CIROZ: variants seen among roughly 807,000 people sequenced by gnomAD.
CIROZ encodes ciliated left-right organizer ZP-N domains-containing protein.
At chr1:10,966,286 G>A in the CIROZ span, 4 of 1,430,634 alleles carry the variant, frequency 2.8e-6, no homozygotes, top group Non-Finnish European at 3.7e-6. Context: ...CTCCTTACTT[G>A]ATATCTGAGC....
the CIROZ span, among the ~76,000 whole-genome samples, chr1:10,952,366 G>A: frequency 1.3e-5 from 2 of 152,086 alleles, no homozygotes; most frequent in African/African-American, 4.8e-5. Context: ...TTCCTAAAAT[G>A]TTTCTATTGC....
the CIROZ span, chr1:10,966,323 TTAA>T: frequency 6.7e-7 from 1 of 1,485,310 alleles, no homozygotes; most frequent in East Asian, 2.5e-5. Context: ...AAATCTCCCT[TTAA>T]AAAAAAAAAA....
the CIROZ span, chr1:10,976,284 G>T: frequency 2.9e-6 from 4 of 1,400,650 alleles, no homozygotes; most frequent in Non-Finnish European, 3.9e-6. Context: ...AGGGGGTGGG[G>T]ACATGCACCG....
At chr1:10,962,108 G>A in the CIROZ span, among the ~76,000 whole-genome samples, 1 of 151,870 alleles carries the variant, frequency 6.6e-6, no homozygotes, top group African/African-American at 2.4e-5. Flanking sequence ...AAATCCCTCA[G>A]GCCAAATCCA....
the CIROZ span, among the ~76,000 whole-genome samples, chr1:10,972,470 A>C: frequency 4.3e-4 from 52 of 121,218 alleles, no homozygotes; most frequent in East Asian, 6.3e-3. Context: ...CACACACTCT[A>C]GAATTATTCT....
chr1:10,948,012 G>A, the CIROZ span: 2 of 1,613,372 alleles, frequency 1.2e-6, no homozygotes, highest in South Asian at 1.1e-5. Flanking sequence ...AGGTTCTGGT[G>A]GCAGAGGTTC....
the CIROZ span, chr1:10,948,656 A>T: frequency 6.2e-7 from 1 of 1,613,116 alleles, no homozygotes; most frequent in African/African-American, 1.3e-5. Context: ...GCCGCCAGGG[A>T]CTAGCCTGGA....
chr1:10,952,407 G>A, the CIROZ span, among the ~76,000 whole-genome samples: 1 of 152,094 alleles, frequency 6.6e-6, no homozygotes. Flanking sequence ...ACTGTACTCT[G>A]TATCTTCCTA....
chr1:10,974,200 C>T, the CIROZ span, among the ~76,000 whole-genome samples: 1 of 152,082 alleles, frequency 6.6e-6, no homozygotes, highest in African/African-American at 2.4e-5. The surrounding 1 kb of genome is among the most constrained non-coding windows in gnomAD (Gnocchi z 4.4). Flanking sequence ...AGTAGGGACT[C>T]GTGGTGCCTC....
At chr1:10,979,296 A>T in the CIROZ span, among the ~76,000 whole-genome samples, 2 of 152,142 alleles carry the variant, frequency 1.3e-5, no homozygotes, top group Non-Finnish European at 2.9e-5. Context: ...ACCCAGGGCA[A>T]GGATCTCACA....
chr1:10,972,350 T>C, the CIROZ span, among the ~76,000 whole-genome samples: 1 of 151,630 alleles, frequency 6.6e-6, no homozygotes, highest in Non-Finnish European at 1.5e-5. Context: ...GGTTTTAGTG[T>C]GCGATGATCA....
At chr1:10,979,725 A>G in the CIROZ span, among the ~76,000 whole-genome samples, 6 of 152,298 alleles carry the variant, frequency 3.9e-5, no homozygotes, top group African/African-American at 1.4e-4. Context: ...TACTCCTACA[A>G]TGGAATACTG....
the CIROZ span, among the ~76,000 whole-genome samples, chr1:10,965,843 A>T: frequency 7.9e-5 from 12 of 152,080 alleles, no homozygotes; most frequent in South Asian, 2.5e-3. Context: ...AAAAGGAAAA[A>T]GAATACAAAA....
chr1:10,970,126 AAGGG>A, the CIROZ span: 8 of 1,462,400 alleles, frequency 5.5e-6, no homozygotes, highest in Middle Eastern at 3.5e-4. Flanking sequence ...GGAGGTGGGG[AAGGG>A]AGGGAGGAAG....
chr1:10,960,523 A>C, the CIROZ span, among the ~76,000 whole-genome samples: 369 of 152,316 alleles, frequency 2.4e-3, 1 homozygote, highest in African/African-American at 8.6e-3. The surrounding 1 kb of genome is among the most constrained non-coding windows in gnomAD (Gnocchi z 4.6). Flanking sequence ...ATTCCGCAGG[A>C]GCTCGGGCAG....
the CIROZ span, among the ~76,000 whole-genome samples, chr1:10,958,008 C>T: frequency 0.082 from 12,433 of 152,268 alleles, 830 homozygotes; most frequent in African/African-American, 0.19. Context: ...ACTGAAAGAA[C>T]GAACACACAG....
At chr1:10,972,420 T>TACAAACAC in the CIROZ span, among the ~76,000 whole-genome samples, 63 of 131,804 alleles carry the variant, frequency 4.8e-4, no homozygotes, top group African/African-American at 1.7e-3. Context: ...GTCTCTGAAA[T>TACAAACAC]ACACACACAC....
chr1:10,975,893 G>T, the CIROZ span, among the ~76,000 whole-genome samples: 1 of 151,804 alleles, frequency 6.6e-6, no homozygotes, highest in African/African-American at 2.4e-5. Context: ...CCCTGTGCTG[G>T]TTTTAATTAT....
the CIROZ span, chr1:10,957,799 C>A: frequency 1.1e-5 from 17 of 1,584,564 alleles, no homozygotes; most frequent in South Asian, 1.8e-4. Context: ...CAGGGAGGCA[C>A]GGTCACTAGG....
Sources: gnomAD v4.1 joint callset for allele counts (sites outside exome capture counted in the v4.1 genomes callset) on GRCh38, gnomAD v4.1.1 for gene constraint, Gnocchi (gnomAD v3.1) non-coding constraint, MANE v1.5 for transcripts, NCBI Gene and HGNC (gene_info 2026-07-23, HGNC 2026-07-21) for gene names.